Variants in GALNT2 observed in about 807,000 individuals in gnomAD.
GALNT2 encodes the protein UDP-GalNAc:polypeptide N-acetylgalactosaminyltransferase 2.
Under a neutral mutation model 81.4 loss-of-function variants are expected in GALNT2, and 31 were observed. The ratio of observed to expected loss-of-function variants is 0.38; its 90% confidence interval spans 0.29 to 0.51. The LOEUF (loss-of-function observed/expected upper bound fraction) is 0.51, where lower values mean the gene tolerates loss of function less well. GALNT2 is among the 20% of genes least tolerant of loss of function. The probability of loss-of-function intolerance (pLI) is 0.87; values close to 1 mark genes in which losing one functional copy is unlikely to be tolerated. For missense variants in GALNT2, 629 were observed against 765.7 expected, an observed-to-expected ratio of 0.82 and a Z score of 2.11; for synonymous variants, 303 against 287.4, an observed-to-expected ratio of 1.05 and a Z score of -0.55.
At chr1:230,131,365 G>C (rs554263803) in intron 1 of GALNT2, among the ~76,000 whole-genome samples, 32 of 152,270 alleles carry the variant, frequency 2.1e-4, no homozygotes, top group African/African-American at 7.2e-4. Flanking sequence ...ACAAAGCTTT[G>C]CTTCCTTAAC....
At chr1:230,273,902 C>T (rs1666215918) in intron 14 of GALNT2, among the ~76,000 whole-genome samples, 1 of 152,180 alleles carries the variant, frequency 6.6e-6, no homozygotes, top group Non-Finnish European at 1.5e-5. Flanking sequence ...TTCATGAGCA[C>T]CCATAGATCA....
At position 230,253,296 on chromosome 1, in the gene GALNT2, C is replaced by T. The variant is rs116533954; in HGVS notation, c.1010-1922C>T. Among the ~76,000 whole-genome samples the T allele has an allele frequency of 2.7e-3, 409 of 152,272 alleles. 5 individuals are homozygous for T. Among genetic ancestry groups the T allele is most frequent in the African/African-American group, 9.6e-3 (397 of 41,552 alleles). Reference sequence around the variant, plus strand: ...GTAACAGCTGCATGGATCACCCATTCCTAGTGAGTGAGGCATTAGTTTGCT... The same window carrying T: ...GTAACAGCTGCATGGATCACCCATTTCTAGTGAGTGAGGCATTAGTTTGCT... On this transcript the variant is annotated intron_variant, in intron 10 of 15. Coordinates refer to ENST00000366672, the MANE Select transcript of GALNT2 (RefSeq NM_004481.5).
At chr1:230,150,421 G>A (rs777898953) in intron 1 of GALNT2, among the ~76,000 whole-genome samples, 3 of 152,212 alleles carry the variant, frequency 2.0e-5, no homozygotes, top group East Asian at 1.9e-4. Flanking sequence ...CCTTTGAAAC[G>A]GTTTCCAACA....
At chr1:230,068,936 A>G (rs1333763734) in intron 1 of GALNT2, among the ~76,000 whole-genome samples, 1 of 152,246 alleles carries the variant, frequency 6.6e-6, no homozygotes, top group East Asian at 1.9e-4. Flanking sequence ...TCAGAGATAT[A>G]ATCGTGTAAA....
intron 1 of GALNT2, among the ~76,000 whole-genome samples, chr1:230,106,976 T>G (rs1264989764): frequency 6.6e-6 from 1 of 152,198 alleles, no homozygotes; most frequent in Non-Finnish European, 1.5e-5. Flanking sequence ...AGGCATTCCT[T>G]GAGGATCCAG....
chr1:230,266,099 CAGG>C (rs1666030126), intron 14 of GALNT2, among the ~76,000 whole-genome samples: 1 of 152,148 alleles, frequency 6.6e-6, no homozygotes, highest in African/African-American at 2.4e-5. Flanking sequence ...GAGGCTGAGG[CAGG>C]AGAATTGCCT....
At position 230,274,620 on chromosome 1, in the gene GALNT2, C is replaced by T. The variant is rs888715472; in HGVS notation, c.1560+56C>T. Reference sequence around the variant, plus strand: ...TGATTAACCCAGACCAGGGTAGCCACGGCCTGCGCCCTCTTGCTCTGTGCT... The same window carrying T: ...TGATTAACCCAGACCAGGGTAGCCATGGCCTGCGCCCTCTTGCTCTGTGCT... On this transcript the variant is annotated intron_variant, in intron 15 of 15. Transcript: ENST00000366672. 78 of 1,606,276 alleles carry T rather than the reference C, an allele frequency of 4.9e-5. No homozygotes were observed. In the Middle Eastern group the frequency reaches 7.7e-4, roughly 16 times the overall value.
At chr1:230,268,966 G>A (rs976353017) in intron 14 of GALNT2, among the ~76,000 whole-genome samples, 2 of 152,124 alleles carry the variant, frequency 1.3e-5, no homozygotes, top group Non-Finnish European at 2.9e-5. Flanking sequence ...GAACAAGATC[G>A]GGTCTGCAGG....
intron 1 of GALNT2, among the ~76,000 whole-genome samples, chr1:230,153,431 T>C (rs953490706): frequency 6.6e-6 from 1 of 152,114 alleles, no homozygotes; most frequent in Non-Finnish European, 1.5e-5. Context: ...AAGGGTCTCT[T>C]TGCGTTTTTA....
chr1:230,195,507 G>GT (rs1482785473), intron 2 of GALNT2, among the ~76,000 whole-genome samples: 5 of 152,280 alleles, frequency 3.3e-5, no homozygotes, highest in African/African-American at 9.6e-5. Context: ...CCTGGAGGAG[G>GT]TAGCCACATT....
intron 1 of GALNT2, among the ~76,000 whole-genome samples, chr1:230,174,741 G>GC (rs1662905263): frequency 6.6e-6 from 1 of 152,046 alleles, no homozygotes; most frequent in Admixed American, 6.5e-5. Context: ...GCTCTCTTGT[G>GC]CCCTCTAGTC....
At chr1:230,155,694 C>A (rs4846910) in intron 1 of GALNT2, among the ~76,000 whole-genome samples, 125,960 of 152,024 alleles carry the variant, frequency 0.83, 52,303 homozygotes, top group African/African-American at 0.88. Flanking sequence ...GTGATTATAA[C>A]CCCAAAACTG....
At chr1:230,061,506 A>G (rs1260671162) in intron 1 of GALNT2, among the ~76,000 whole-genome samples, 1 of 152,216 alleles carries the variant, frequency 6.6e-6, no homozygotes, top group Non-Finnish European at 1.5e-5. Flanking sequence ...AAAGTTATGA[A>G]TATTTTTTTA....
chr1:230,152,999 T>C (rs748370682), intron 1 of GALNT2, among the ~76,000 whole-genome samples: 18 of 152,376 alleles, frequency 1.2e-4, no homozygotes, highest in African/African-American at 3.4e-4. Flanking sequence ...GAGTGAAGCA[T>C]AATCAATACT....
At chr1:230,072,845 C>G (rs1659417943) in intron 1 of GALNT2, among the ~76,000 whole-genome samples, 1 of 152,248 alleles carries the variant, frequency 6.6e-6, no homozygotes, top group Non-Finnish European at 1.5e-5. Context: ...CTTGGACCCA[C>G]TTCTGTGCCT....
chr1:230,119,259 G>C lies in GALNT2; in HGVS notation c.126+51853G>C, dbSNP rs1050297151. Among the ~76,000 whole-genome samples the C allele has an allele frequency of 4.6e-5, 7 of 152,038 alleles. No homozygotes were observed. In the East Asian group the frequency reaches 1.3e-3, roughly 29 times the overall value. ...TTTTGGTCATTTCATTGACTTGTGC[G>C]TACAGGTTTTTGTGAAGGGAGCTGG... On this transcript the variant is annotated intron_variant, in intron 1 of 15. Transcript: ENST00000366672.
intron 1 of GALNT2, among the ~76,000 whole-genome samples, chr1:230,139,094 G>A (rs553044225): frequency 1.5e-3 from 228 of 152,268 alleles, no homozygotes; most frequent in Non-Finnish European, 2.7e-3. Context: ...GGGGGTTATG[G>A]TGTGAGGAGA....
chr1:230,142,556 C>G (rs1487335916), intron 1 of GALNT2, among the ~76,000 whole-genome samples: 2 of 152,210 alleles, frequency 1.3e-5, no homozygotes, highest in Non-Finnish European at 2.9e-5. Flanking sequence ...TAGGGCTCTT[C>G]TGAGGGTGAC....
chr1:230,157,172 A>T (rs556343506), intron 1 of GALNT2, among the ~76,000 whole-genome samples: 49 of 152,314 alleles, frequency 3.2e-4, no homozygotes, highest in African/African-American at 1.2e-3. Flanking sequence ...AAACATTGGA[A>T]CTTACTGTGT....
Sources: allele counts gnomAD v4.1 joint callset (sites outside exome capture counted in the v4.1 genomes callset), GRCh38; gene constraint gnomAD v4.1.1; transcripts MANE v1.5; gene names NCBI Gene and HGNC (gene_info 2026-07-23, HGNC 2026-07-21).